The following MACROD2 variants were observed in gnomAD, a reference collection of about 807,000 sequenced individuals.
MACROD2 encodes ADP-ribose glycohydrolase MACROD2.
In MACROD2, 36 loss-of-function variants were observed where a neutral mutation model predicts 70.4. The observed-to-expected ratio is 0.51, with a 90% CI of 0.39 to 0.68. The LOEUF (loss-of-function observed/expected upper bound fraction) is 0.68. MACROD2 is among the 30% of genes least tolerant of loss of function. MACROD2 has a pLI of 0.00. For missense variants in MACROD2, 496 were observed against 538.4 expected, an observed-to-expected ratio of 0.92 and a Z score of 0.78; for synonymous variants, 172 against 178.8, an observed-to-expected ratio of 0.96 and a Z score of 0.30.
At chr20:14,328,395 C>T (rs965976121) in intron 3 of MACROD2, among the ~76,000 whole-genome samples, 3 of 152,024 alleles carry the variant, frequency 2.0e-5, no homozygotes, top group Admixed American at 1.3e-4. Context: ...TACCTCATAA[C>T]GTGTTGTCAC....
chr20:14,088,327 TAAA>T (rs11372104), intron 3 of MACROD2, among the ~76,000 whole-genome samples: 4 of 117,936 alleles, frequency 3.4e-5, no homozygotes, highest in Non-Finnish European at 1.7e-5. Context: ...AGACTCCATC[TAAA>T]AAAAAAAAAA....
At chr20:15,025,750 G>C (rs1052986350) in intron 5 of MACROD2, among the ~76,000 whole-genome samples, 4 of 152,138 alleles carry the variant, frequency 2.6e-5, no homozygotes, top group African/African-American at 9.6e-5. Flanking sequence ...GATGTTTAGC[G>C]GTATCCCTGG....
chr20:15,942,316 G>C (rs2065761938), intron 12 of MACROD2, among the ~76,000 whole-genome samples: 1 of 152,170 alleles, frequency 6.6e-6, no homozygotes, highest in Admixed American at 6.6e-5. Context: ...GAGTTGAGCT[G>C]GGAGCATGAG....
At chr20:15,123,785 T>C (rs1240096940) in intron 5 of MACROD2, among the ~76,000 whole-genome samples, 1 of 152,204 alleles carries the variant, frequency 6.6e-6, no homozygotes, top group Non-Finnish European at 1.5e-5. Context: ...TTCTAATCAA[T>C]GCTTGGCATA....
chr20:15,211,315 A>T (rs2076761556), intron 5 of MACROD2, among the ~76,000 whole-genome samples: 1 of 152,126 alleles, frequency 6.6e-6, no homozygotes, highest in Non-Finnish European at 1.5e-5. Flanking sequence ...CATTAGATGG[A>T]TATACATTTG....
chr20:15,370,525 T>A (rs190569701), intron 6 of MACROD2, among the ~76,000 whole-genome samples: 35 of 152,192 alleles, frequency 2.3e-4, no homozygotes, highest in Non-Finnish European at 4.3e-4. Context: ...TTGACCAATG[T>A]TGTCATCAGT....
chr20:15,433,479 A>G (rs1283570398), intron 7 of MACROD2, among the ~76,000 whole-genome samples: 1 of 150,086 alleles, frequency 6.7e-6, no homozygotes, highest in Non-Finnish European at 1.5e-5. Flanking sequence ...AAAAAAAAAA[A>G]GATAAAATAT....
Position 14,423,425 on chromosome 20 carries a change from A to C in MACROD2, c.272-70054A>C, listed in dbSNP as rs997957142. 7.3e-5 allele frequency among the ~76,000 whole-genome samples: 11 copies of C among 151,068 alleles called. No homozygotes were observed. The South Asian group carries it at 8.4e-4, about 12-fold the overall frequency. The stretch of plus-strand genomic sequence containing the variant: ...TGTTTAAGAACTTGATGCGGCCTGG[A>C]GCGGTGGCTCACGCCTGTAATCCCA... On this transcript the variant is annotated intron_variant, in intron 3 of 17. Transcript: ENST00000684519.
chr20:15,133,934 G>C (rs1277670913), intron 5 of MACROD2, among the ~76,000 whole-genome samples: 1 of 124,774 alleles, frequency 8.0e-6, no homozygotes, highest in Non-Finnish European at 1.6e-5. Context: ...TTTTGAGACA[G>C]AGTCTCGCTG....
At chr20:14,291,991 T>G (rs941154542) in intron 3 of MACROD2, among the ~76,000 whole-genome samples, 1 of 151,618 alleles carries the variant, frequency 6.6e-6, no homozygotes, top group African/African-American at 2.4e-5. Flanking sequence ...TAAGCAAAGG[T>G]GTAGTTTTCC....
At chr20:14,437,000 T>C (rs558584256) in intron 3 of MACROD2, among the ~76,000 whole-genome samples, 3 of 152,154 alleles carry the variant, frequency 2.0e-5, no homozygotes, top group Non-Finnish European at 2.9e-5. Flanking sequence ...TACAAATAGC[T>C]TTTAATTGAA....
chr20:15,676,312 CA>C (rs2050056486), intron 8 of MACROD2, among the ~76,000 whole-genome samples: 1 of 152,200 alleles, frequency 6.6e-6, no homozygotes, highest in South Asian at 2.1e-4. Flanking sequence ...TGCATTTGAA[CA>C]TTCCACTTAA....
At chr20:14,743,330 A>G (rs1424001998) in intron 5 of MACROD2, among the ~76,000 whole-genome samples, 1 of 152,134 alleles carries the variant, frequency 6.6e-6, no homozygotes, top group Non-Finnish European at 1.5e-5. Flanking sequence ...TAAGGACCTT[A>G]AGATGAGGAG....
intron 8 of MACROD2, among the ~76,000 whole-genome samples, chr20:15,791,809 T>G (rs1007697718): frequency 6.6e-6 from 1 of 152,044 alleles, no homozygotes; most frequent in African/African-American, 2.4e-5. Context: ...ACAGGTATTC[T>G]TTATAGGAAA....
chr20:14,393,851 A>G (rs1042757956), intron 3 of MACROD2, among the ~76,000 whole-genome samples: 4 of 152,194 alleles, frequency 2.6e-5, no homozygotes, highest in Non-Finnish European at 4.4e-5. Context: ...AGATGATGTC[A>G]TGCGGGTGGA....
intron 8 of MACROD2, among the ~76,000 whole-genome samples, chr20:15,556,926 A>G (rs2048176042): frequency 6.6e-6 from 1 of 152,130 alleles, no homozygotes; most frequent in African/African-American, 2.4e-5. Flanking sequence ...TCAGTTTCCA[A>G]CTTTATTTAC....
chr20:15,107,907 C>T (rs2075923727), intron 5 of MACROD2, among the ~76,000 whole-genome samples: 1 of 151,616 alleles, frequency 6.6e-6, no homozygotes, highest in Admixed American at 6.6e-5. Context: ...TAATTGGTGC[C>T]CAGGTTCAGC....
intron 8 of MACROD2, among the ~76,000 whole-genome samples, chr20:15,747,178 G>GA (rs1241635110): frequency 6.6e-6 from 1 of 152,126 alleles, no homozygotes; most frequent in Non-Finnish European, 1.5e-5. Flanking sequence ...CAGCACCTGA[G>GA]AAAAATGTCT....
At chr20:15,108,844 G>T (rs184193788) in intron 5 of MACROD2, among the ~76,000 whole-genome samples, 85 of 152,224 alleles carry the variant, frequency 5.6e-4, no homozygotes, top group African/African-American at 1.7e-3. Flanking sequence ...ATAGGGCAGA[G>T]GAGGAAAGTG....
Sources: allele counts gnomAD v4.1 joint callset (sites outside exome capture counted in the v4.1 genomes callset), GRCh38; gene constraint gnomAD v4.1.1; transcripts MANE v1.5; gene names NCBI Gene and HGNC (gene_info 2026-07-23, HGNC 2026-07-21).